The following AAMP variants were observed in gnomAD, a reference collection of about 807,000 sequenced individuals.
The protein encoded by AAMP is angio associated migratory cell protein.
A neutral mutation model predicts 51.1 loss-of-function variants in AAMP; 12 were observed. The observed-to-expected ratio is 0.23, with a 90% confidence interval of 0.15 to 0.38. The LOEUF is 0.38. Ranked by LOEUF, AAMP falls within the 10% of genes least tolerant of loss-of-function variation. The pLI, the probability that AAMP is intolerant of heterozygous loss-of-function variation, is 1.00. For synonymous variants in AAMP, 210 were observed against 218.7 expected (o/e 0.96, Z 0.35); for missense variants, 418 against 557.2 (o/e 0.75, Z 2.52).
chr2:218,265,320 C>T lies in AAMP; in HGVS notation c.1074+51G>A. 1.3e-6 allele frequency: 2 copies of T among 1,534,672 alleles called. No homozygotes were observed. Among genetic ancestry groups the T allele is most frequent in the Non-Finnish European group, 1.8e-6 (2 of 1,130,414 alleles). On this transcript the variant is annotated intron_variant, in intron 9 of 10. Transcript: ENST00000248450. This position sits in a 1 kb window ranked among gnomAD's most constrained non-coding sequence, Gnocchi z 6.6. ...AGATGCTCCTGGAGGCCTGGGCTTC[C>T]CCACCACTATGGACACAGCCCACAG...
chr2:218,269,801 A>G (rs1425316256), intron 1 of AAMP, 165 bp downstream of exon 1: 1 of 1,195,510 alleles, frequency 8.4e-7, no homozygotes, highest in Non-Finnish European at 1.2e-6. Context: ...CCCCCACCCC[A>G]GCCAGGCCTG....
chr2:218,264,366 T>A lies in AAMP; in HGVS notation c.*167A>T, dbSNP rs1690566148. 1.8e-5 allele frequency: 12 copies of A among 682,982 alleles called. No individual in the cohort carries two copies. 42.3% of individuals were successfully genotyped at this position (682,982 alleles called of 1,614,324 possible). A position where few individuals can be genotyped will look rare whatever the true frequency, so the allele number is the denominator to read the frequency against. ...GGGTGGGAGGGCCCTGGGCTGGGTC[T>A]CTAAAGAGAAGAAAAGGAGAGGGGA... On this transcript the variant is annotated 3_prime_UTR_variant, in exon 11 of 11. Coordinates refer to ENST00000248450, the MANE Select transcript of AAMP (RefSeq NM_001087.5).
At position 218,267,631 on chromosome 2, in the gene AAMP, C is replaced by G. The variant is rs1308125511; in HGVS notation, c.275-18G>C. On this transcript the variant is annotated intron_variant, in intron 2 of 10. Coordinates refer to ENST00000248450, the MANE Select transcript of AAMP (RefSeq NM_001087.5). The surrounding 1 kb of genome is among the most constrained non-coding windows in gnomAD (Gnocchi z 4.6). ...CACAGATGCTGTCCCAAGAGATATT[C>G]CATGGGTAAGGGGACAGAGCTCCCA... is the stretch of plus-strand genomic sequence containing the variant. 6.2e-7 allele frequency: 1 copy of G among 1,614,126 alleles called. No individual in the cohort carries two copies. The highest frequency in any genetic ancestry group is 1.3e-5 in the African/African-American group (1 of 75,030).
Position 218,264,253 on chromosome 2 carries a change from T to C in AAMP, c.*280A>G, listed in dbSNP as rs1389174524. 5 of 484,330 alleles carry C rather than the reference T, an allele frequency of 1.0e-5. No individual in the cohort carries two copies. The highest frequency in any genetic ancestry group is 1.5e-5 in the Non-Finnish European group (4 of 269,656). The allele number at this position is 484,330 out of a possible 1,614,324, so 30.0% of individuals were successfully genotyped here. On this transcript the variant is annotated 3_prime_UTR_variant, in exon 11 of 11. Coordinates refer to ENST00000248450, the MANE Select transcript of AAMP (RefSeq NM_001087.5). ...CAAACACCTACTCCCCACATACAAA[T>C]ACACACCCCATGGCTCACACCAGCA...
At position 218,267,449 on chromosome 2, in the gene AAMP, C is replaced by A; in HGVS notation, c.394+45G>T. The A allele has an allele frequency of 6.2e-7, 1 of 1,607,834 alleles. No individual in the cohort carries two copies. The highest frequency in any genetic ancestry group is 8.5e-7 in the Non-Finnish European group (1 of 1,175,820). On this transcript the variant is annotated intron_variant, in intron 3 of 10. Coordinates refer to ENST00000248450, the MANE Select transcript of AAMP (RefSeq NM_001087.5). The surrounding 1 kb of genome is among the most constrained non-coding windows in gnomAD (Gnocchi z 4.6). Reference sequence around the variant, plus strand: ...TGCAGGTCAGCCTCCTAAGATCTCCCAAAAGAATATGACCTCTCCCAGGCC... The same window carrying A: ...TGCAGGTCAGCCTCCTAAGATCTCCAAAAAGAATATGACCTCTCCCAGGCC...
At position 218,266,537 on chromosome 2, in the gene AAMP, G is replaced by C. The variant is rs553483808; in HGVS notation, c.585C>G (p.Asp195Glu). 6.2e-7 allele frequency: 1 copy of C among 1,613,650 alleles called. No homozygotes were observed. Among genetic ancestry groups the C allele is most frequent in the South Asian group, 1.1e-5 (1 of 91,072 alleles). ...GGACTTTCCACATCCAGGTGTTGCC[G>C]TCAGCTGTGCCCGCCAACAGGACAG... ...RAPVLLAGTA[D>E]GNTWMWKVPN... The change falls in exon 5 of 11, where the codon GAC becomes GAG. Residue 195 changes from aspartate (D) to glutamate (E), a missense_variant. Coordinates refer to ENST00000248450, the MANE Select transcript of AAMP (RefSeq NM_001087.5). This position sits in a 1 kb window ranked among gnomAD's most constrained non-coding sequence, Gnocchi z 4.7.
intron 1 of AAMP, 185 bp downstream of exon 1, chr2:218,269,781 C>A (rs990031178): frequency 1.9e-5 from 20 of 1,035,490 alleles, no homozygotes; most frequent in Non-Finnish European, 2.7e-5. Flanking sequence ...CCAGAGGAGG[C>A]GTCAGGGAAC....
In AAMP at chr2:218,266,388, T is replaced by C; in HGVS notation, c.679+55A>G. ...AGAAGGCTGCTCTGGGAGGTGTATA[T>C]CCCGGGATTCGGCCTCTGCACCCAG... On this transcript the variant is annotated intron_variant, in intron 5 of 10. Coordinates refer to ENST00000248450, the MANE Select transcript of AAMP (RefSeq NM_001087.5). The surrounding 1 kb of genome is among the most constrained non-coding windows in gnomAD (Gnocchi z 4.7). 1 of 1,590,886 alleles carries C rather than the reference T, an allele frequency of 6.3e-7. No homozygotes were observed. The highest frequency in any genetic ancestry group is 8.6e-7 in the Non-Finnish European group (1 of 1,164,098).
At chr2:218,269,878 G>C (rs1388938021) in intron 1 of AAMP, 88 bp downstream of exon 1, 18 of 1,571,300 alleles carry the variant, frequency 1.1e-5, no homozygotes, top group Non-Finnish European at 1.5e-5. Flanking sequence ...ATGACCAGTC[G>C]GGTGTGGAGG....
In AAMP at chr2:218,267,381, C is replaced by T. The variant is rs973421691; in HGVS notation, c.394+113G>A. 3.4e-6 allele frequency: 5 copies of T among 1,486,996 alleles called. No individual in the cohort carries two copies. In the Admixed American group the frequency reaches 9.1e-5, roughly 27 times the overall value. The allele number at this position is 1,486,996 out of a possible 1,614,324, so 92.1% of individuals were successfully genotyped here. ...TCCCTGGGGCCCAGCACAGAGCTGG[C>T]ACAAAAGAGATGTCACTAAGTGGCT... is the stretch of plus-strand genomic sequence containing the variant. On this transcript the variant is annotated intron_variant, in intron 3 of 10. Transcript: ENST00000248450. The surrounding 1 kb of genome is among the most constrained non-coding windows in gnomAD (Gnocchi z 4.6).
chr2:218,269,620 G>A (rs1263108740), intron 1 of AAMP, 86 bp from the exon 2 acceptor site: 1 of 1,603,710 alleles, frequency 6.2e-7, no homozygotes, highest in Admixed American at 1.7e-5. Flanking sequence ...AGGCTGGGGC[G>A]GGTCATGTGG....
Position 218,269,954 on chromosome 2 carries a change from G to A in AAMP, c.121+12C>T. 1 of 1,614,056 alleles carries A rather than the reference G, an allele frequency of 6.2e-7. No individual in the cohort carries two copies. Among genetic ancestry groups the A allele is most frequent in the Non-Finnish European group, 8.5e-7 (1 of 1,179,974 alleles). ...TCTCCTGTCCCATGGCCTGAGGAGC[G>A]GCAGTTCTCACCTGGGTCCGGCGGA... On this transcript the variant is annotated intron_variant, in intron 1 of 10. Transcript: ENST00000248450.
At position 218,266,308 on chromosome 2, in the gene AAMP, G is replaced by A. The variant is rs1690626893; in HGVS notation, c.679+135C>T. 2.9e-6 allele frequency: 4 copies of A among 1,386,602 alleles called. No homozygotes were observed. Among genetic ancestry groups the A allele is most frequent in the Non-Finnish European group, 4.0e-6 (4 of 1,005,402 alleles). 85.9% of individuals were successfully genotyped at this position (1,386,602 alleles called of 1,614,324 possible). A position where few individuals can be genotyped will look rare whatever the true frequency, so the allele number is the denominator to read the frequency against. On this transcript the variant is annotated intron_variant, in intron 5 of 10. Coordinates refer to ENST00000248450, the MANE Select transcript of AAMP (RefSeq NM_001087.5). This position sits in a 1 kb window ranked among gnomAD's most constrained non-coding sequence, Gnocchi z 4.7. ...GGAAGGAGGCGCTGTGAACTTTGGG[G>A]CCCAGGAGGTCAGCACTGCAAACAG...
At position 218,267,648 on chromosome 2, in the gene AAMP, G is replaced by A; in HGVS notation, c.275-35C>T. ...GAGATATTCCATGGGTAAGGGGACA[G>A]AGCTCCCACCTAGGGCTCTGTCCTT... On this transcript the variant is annotated intron_variant, in intron 2 of 10. Coordinates refer to ENST00000248450, the MANE Select transcript of AAMP (RefSeq NM_001087.5). The surrounding 1 kb of genome is among the most constrained non-coding windows in gnomAD (Gnocchi z 4.6). The A allele has an allele frequency of 6.2e-7, 1 of 1,613,790 alleles. No homozygotes were observed. The highest frequency in any genetic ancestry group is 8.5e-7 in the Non-Finnish European group (1 of 1,179,756).
rs775381838 is a variant in AAMP, at chr2:218,265,001, C to T, written c.1229+19G>A. ...CTTCCAAATACACAAAGATCCCAGC[C>T]CTTGGCCAATTCACTTACTTGCTGA... On this transcript the variant is annotated intron_variant, in intron 10 of 10. Coordinates refer to ENST00000248450, the MANE Select transcript of AAMP (RefSeq NM_001087.5). This position sits in a 1 kb window ranked among gnomAD's most constrained non-coding sequence, Gnocchi z 6.6. 1 of 1,613,644 alleles carries T rather than the reference C, an allele frequency of 6.2e-7. No homozygotes were observed. Among genetic ancestry groups the T allele is most frequent in the South Asian group, 1.1e-5 (1 of 91,092 alleles).
rs188159272 is a variant in AAMP, at chr2:218,268,114, G to A, written c.275-501C>T. 5.7e-3 allele frequency among the ~76,000 whole-genome samples: 839 copies of A among 146,658 alleles called. 9 individuals carry two copies. The highest frequency in any genetic ancestry group is 0.019 in the African/African-American group (744 of 39,660). ...CCCCTGAGTAGCTGGGATTACAGGCGCCCGCCACCACAACCAGCTAATTTT... is the reference window on the plus strand; with the variant it reads ...CCCCTGAGTAGCTGGGATTACAGGCACCCGCCACCACAACCAGCTAATTTT... On this transcript the variant is annotated intron_variant, in intron 2 of 10. Coordinates refer to ENST00000248450, the MANE Select transcript of AAMP (RefSeq NM_001087.5).
chr2:218,267,500 A>C lies in AAMP; in HGVS notation c.388T>G (p.Cys130Gly). 1 of 1,613,890 alleles carries C rather than the reference A, an allele frequency of 6.2e-7. No individual in the cohort carries two copies. Among genetic ancestry groups the C allele is most frequent in the Non-Finnish European group, 8.5e-7 (1 of 1,179,942 alleles). The change falls in exon 3 of 11, where the codon TGT becomes GGT. Residue 130 changes from cysteine (C) to glycine (G), a missense_variant. Physicochemically the swap from Cys to Gly is radical, Grantham distance 159 (BLOSUM62 -3). Transcript: ENST00000248450. The surrounding 1 kb of genome is among the most constrained non-coding windows in gnomAD (Gnocchi z 4.6). ...TCTACCCCAGCCCCCTCACCTGCACACTCAAAGAGCAGCTCCCCATCGCTG... is the reference window on the plus strand; with the variant it reads ...TCTACCCCAGCCCCCTCACCTGCACCCTCAAAGAGCAGCTCCCCATCGCTG... ...RLSDGELLFE[C>G]AGHKDSVTCA...
At chr2:218,269,585 A>G (rs1294380926) in intron 1 of AAMP, 51 bp from the exon 2 acceptor site, 1 of 1,613,506 alleles carries the variant, frequency 6.2e-7, no homozygotes. Flanking sequence ...GGTAAGAGGT[A>G]CGGAGAGAAG....
rs1437494151 is a variant in AAMP, at chr2:218,265,664, G to T, written c.898C>A (p.Pro300Thr). Residue 300 changes from proline to threonine, a missense_variant, in exon 8 of 11, where the codon CCT (proline) becomes ACT (threonine). Coordinates refer to ENST00000248450, the MANE Select transcript of AAMP (RefSeq NM_001087.5). The surrounding 1 kb of genome is among the most constrained non-coding windows in gnomAD (Gnocchi z 6.6). Reference protein sequence around the residue: ...TTGKVVGVFRPETVASQPSLG... With the variant: ...TTGKVVGVFRTETVASQPSLG... ...CTGGGCTGGGAGGCCACAGTCTCAG[G>T]TCTAAAAACACCCACCACCTGAAAG... 2 of 1,613,194 alleles carry T rather than the reference G, an allele frequency of 1.2e-6. No individual in the cohort carries two copies. The highest frequency in any genetic ancestry group is 1.7e-5 in the Admixed American group (1 of 60,022).
Sources: allele counts gnomAD v4.1 joint callset (sites outside exome capture counted in the v4.1 genomes callset), GRCh38; gene constraint gnomAD v4.1.1; non-coding constraint Gnocchi (gnomAD v3.1); transcripts MANE v1.5; gene names NCBI Gene and HGNC (gene_info 2026-07-23, HGNC 2026-07-21).